The following CDYL variants were observed in gnomAD, a reference collection of about 807,000 sequenced individuals.
CDYL encodes the protein chromodomain Y like.
Under a neutral mutation model 47.3 loss-of-function variants are expected in CDYL, and 8 were observed. That is an observed-to-expected ratio of 0.17 (90% confidence interval 0.10 to 0.31). The LOEUF is 0.31. Ranked by LOEUF, CDYL falls within the 10% of genes least tolerant of loss-of-function variation. CDYL has a pLI of 1.00. For missense variants in CDYL, 471 were observed against 701.4 expected, an observed-to-expected ratio of 0.67 and a Z score of 3.71; for synonymous variants, 266 against 265.0, an observed-to-expected ratio of 1.00 and a Z score of -0.04.
At position 4,945,856 on chromosome 6, in the gene CDYL, G is replaced by A. The variant is rs553590527; in HGVS notation, c.1332+2100G>A. Among the ~76,000 whole-genome samples the A allele has an allele frequency of 2.6e-5, 4 of 152,336 alleles. No individual in the cohort carries two copies. In the East Asian group the frequency reaches 7.7e-4, roughly 29 times the overall value. ...TCTTTGCTGTGAGGCTGGTGTTCTG[G>A]TCACAACGCACCACCCTGAGGCACC... is the stretch of plus-strand genomic sequence containing the variant. On this transcript the variant is annotated intron_variant, in intron 5 of 6. Transcript: ENST00000397588.
chr6:4,863,289 C>T (rs1761224862), intron 1 of CDYL, among the ~76,000 whole-genome samples: 1 of 152,152 alleles, frequency 6.6e-6, no homozygotes. Context: ...ACGAGAAGCC[C>T]AAACCCCAGC....
intron 2 of CDYL, among the ~76,000 whole-genome samples, chr6:4,717,914 C>T (rs539104664): frequency 6.6e-5 from 10 of 151,402 alleles, no homozygotes; most frequent in South Asian, 4.2e-4. Context: ...TGGCTCAGGA[C>T]GGCTCACAAG....
intron 1 of CDYL, among the ~76,000 whole-genome samples, chr6:4,828,506 A>G (rs1760044240): frequency 6.6e-6 from 1 of 152,058 alleles, no homozygotes; most frequent in South Asian, 2.1e-4. Context: ...TATTAAGGAT[A>G]CCTTGTGCTT....
intron 1 of CDYL, among the ~76,000 whole-genome samples, chr6:4,798,388 T>C (rs1464443985): frequency 6.6e-6 from 1 of 152,176 alleles, no homozygotes; most frequent in Non-Finnish European, 1.5e-5. Flanking sequence ...GGAGATAAGT[T>C]TATTGGTTTA....
At chr6:4,729,147 A>G (rs189340962) in intron 2 of CDYL, among the ~76,000 whole-genome samples, 8 of 152,218 alleles carry the variant, frequency 5.3e-5, no homozygotes, top group Admixed American at 3.9e-4. Context: ...CAGGTCAACA[A>G]CAGAGTGGGA....
upstream of CDYL, chr6:4,773,256 A>G: frequency 2.2e-6 from 1 of 456,032 alleles, no homozygotes; most frequent in Non-Finnish European, 4.4e-6. The surrounding 1 kb of genome is among the most constrained non-coding windows in gnomAD (Gnocchi z 4.6). Flanking sequence ...CACTTCTCTA[A>G]TCTTTTAAGA....
chr6:4,896,653 G>T (rs573613331), intron 2 of CDYL, among the ~76,000 whole-genome samples: 18 of 152,300 alleles, frequency 1.2e-4, no homozygotes, highest in African/African-American at 4.3e-4. Context: ...GAGAAGCCGC[G>T]CTGAAGCTCT....
intron 2 of CDYL, among the ~76,000 whole-genome samples, chr6:4,925,414 T>TTTC (rs1561712164): frequency 7.2e-6 from 1 of 138,182 alleles, no homozygotes; most frequent in Non-Finnish European, 1.5e-5. Context: ...TTTTTCTTTT[T>TTTC]TTTTTTTTTT....
intron 4 of CDYL, among the ~76,000 whole-genome samples, chr6:4,942,106 C>T (rs1004815950): frequency 2.6e-5 from 4 of 152,218 alleles, no homozygotes; most frequent in Admixed American, 6.5e-5. Context: ...ACACTCTGAT[C>T]ATTAAACCCC....
chr6:4,838,595 T>C (rs1264392425), intron 1 of CDYL, among the ~76,000 whole-genome samples: 3 of 152,226 alleles, frequency 2.0e-5, no homozygotes, highest in Admixed American at 6.5e-5. Flanking sequence ...ATTGCAAATA[T>C]AAACGTGTGT....
chr6:4,805,606 G>A (rs947180332), intron 1 of CDYL, among the ~76,000 whole-genome samples: 1 of 152,144 alleles, frequency 6.6e-6, no homozygotes, highest in Non-Finnish European at 1.5e-5. Flanking sequence ...GCCCAAACCC[G>A]AAGTCCTGAG....
At chr6:4,734,802 G>C (rs780133001) in exon 3 of CDYL, 1 of 1,614,002 alleles carries the variant, frequency 6.2e-7, no homozygotes, top group African/African-American at 1.3e-5. Flanking sequence ...GCATCTCCGT[G>C]AGCAGTGAGC....
intron 3 of CDYL, among the ~76,000 whole-genome samples, chr6:4,736,013 T>A (rs1274589079): frequency 6.6e-6 from 1 of 152,154 alleles, no homozygotes; most frequent in Non-Finnish European, 1.5e-5. Context: ...CAGTAGCTCT[T>A]TAGAACTTGT....
intron 2 of CDYL, among the ~76,000 whole-genome samples, chr6:4,727,477 G>T (rs1020323196): frequency 5.3e-5 from 8 of 152,088 alleles, no homozygotes; most frequent in Non-Finnish European, 8.8e-5. Flanking sequence ...GAACAAGGAG[G>T]AAAACTACCA....
chr6:4,927,047 T>C (rs1296652218), intron 2 of CDYL, among the ~76,000 whole-genome samples: 2 of 152,214 alleles, frequency 1.3e-5, no homozygotes, highest in East Asian at 3.8e-4. Flanking sequence ...CTATATAATA[T>C]CGTGTCAGGT....
intron 2 of CDYL, among the ~76,000 whole-genome samples, chr6:4,729,754 C>T (rs768251368): frequency 1.3e-5 from 2 of 152,006 alleles, no homozygotes; most frequent in African/African-American, 4.8e-5. Context: ...CCTGTCTCTA[C>T]AAAAAATACA....
At chr6:4,923,895 C>A (rs1286002523) in intron 2 of CDYL, among the ~76,000 whole-genome samples, 2 of 49,354 alleles carry the variant, frequency 4.1e-5, no homozygotes, top group South Asian at 2.4e-3. Context: ...AGTGAGACTC[C>A]GTCTCAAAAA....
intron 3 of CDYL, among the ~76,000 whole-genome samples, chr6:4,748,224 C>T (rs963870674): frequency 6.6e-6 from 1 of 152,148 alleles, no homozygotes; most frequent in African/African-American, 2.4e-5. Flanking sequence ...GTAACAGCTA[C>T]TTAGTCTTCT....
rs199841919 is a variant in CDYL at position 4,785,682 on chromosome 6, A to AG, written c.24+8875_24+8876insG. ...AAAAAAAGTCATCTTAGTTTGCAAAAAGATGCACCACCCCATGCACACTGG... is the reference window on the plus strand; with the variant it reads ...AAAAAAAGTCATCTTAGTTTGCAAAAGAGATGCACCACCCCATGCACACTGG... On this transcript the variant is annotated intron_variant, in intron 1 of 6. Transcript: ENST00000397588. Among the ~76,000 whole-genome samples the AG allele has an allele frequency of 1.2e-4, 19 of 152,312 alleles. No individual in the cohort carries two copies. In the East Asian group the frequency reaches 3.7e-3, roughly 29 times the overall value.
Sources: gnomAD v4.1 joint callset for allele counts (sites outside exome capture counted in the v4.1 genomes callset) on GRCh38, gnomAD v4.1.1 for gene constraint, Gnocchi (gnomAD v3.1) non-coding constraint, MANE v1.5 for transcripts, NCBI Gene and HGNC (gene_info 2026-07-23, HGNC 2026-07-21) for gene names.